P2RX5: variants seen among roughly 807,000 people sequenced by gnomAD.
The protein encoded by P2RX5 is purinergic receptor P2X 5.
In P2RX5, 46 loss-of-function variants were observed where a neutral mutation model predicts 54.1. That is an observed-to-expected ratio of 0.85 (90% CI 0.67 to 1.09). The LOEUF (loss-of-function observed/expected upper bound fraction) is 1.09. P2RX5 is among the 50% of genes least tolerant of loss of function. The pLI is 0.00. For missense variants in P2RX5, 566 were observed against 549.8 expected, an observed-to-expected ratio of 1.03 and a Z score of -0.29; for synonymous variants, 226 against 226.4, an observed-to-expected ratio of 1.00 and a Z score of 0.02.
the P2RX5 span, among the ~76,000 whole-genome samples, chr17:3,709,650 CA>C: frequency 4.6e-5 from 7 of 152,172 alleles, no homozygotes; most frequent in Non-Finnish European, 1.0e-4. Flanking sequence ...AGTGGAGGCT[CA>C]AGCCTGTAAT....
chr17:3,693,928 C>A (rs1417847800), intron 1 of P2RX5, among the ~76,000 whole-genome samples: 1 of 151,678 alleles, frequency 6.6e-6, no homozygotes, highest in Non-Finnish European at 1.5e-5. Context: ...CCACACCCAG[C>A]CAATTTTTGA....
At chr17:3,703,726 T>C in the P2RX5 span, among the ~76,000 whole-genome samples, 1 of 151,210 alleles carries the variant, frequency 6.6e-6, no homozygotes, top group Non-Finnish European at 1.5e-5. Flanking sequence ...AAATAACACC[T>C]CCCCCTTAGC....
chr17:3,703,456 A>G, the P2RX5 span, among the ~76,000 whole-genome samples: 2 of 151,978 alleles, frequency 1.3e-5, no homozygotes, highest in African/African-American at 4.8e-5. Flanking sequence ...TGAGCCCAGG[A>G]GATTGAGGCT....
intron 11 of P2RX5, among the ~76,000 whole-genome samples, chr17:3,678,753 A>T (rs2050159778): frequency 6.6e-6 from 1 of 152,230 alleles, no homozygotes; most frequent in South Asian, 2.1e-4. Flanking sequence ...GTGGTTTGCA[A>T]GAGAGTCACA....
rs140372061 is a variant in P2RX5 at position 3,679,750 on chromosome 17, C to T, written c.1099G>A (p.Glu367Lys). The change falls in exon 11 of 12, where the codon GAG becomes AAG. Residue 367 changes from glutamate to lysine, a missense_variant. By Grantham distance (56) the Glu-to-Lys change is moderately conservative (BLOSUM62 1). Transcript: ENST00000225328. ...LEDSSQEAED[E>K]ASGLGLSEQL... ...TCAGATAGCCCCAGCCCCGATGCCT[C>T]GTCCTCGGCCTCCTGGGAACTGTCT... 3.1e-6 allele frequency: 5 copies of T among 1,611,866 alleles called. No homozygotes were observed. Among genetic ancestry groups the T allele is most frequent in the East Asian group, 2.2e-5 (1 of 44,888 alleles).
chr17:3,691,496 G>T (rs2050616179), intron 2 of P2RX5, 148 bp downstream of exon 2: 1 of 919,612 alleles, frequency 1.1e-6, no homozygotes, highest in South Asian at 1.5e-5. Context: ...ATCTGGACAG[G>T]GTTGCTCTCT....
chr17:3,690,071 T>C lies in P2RX5; in HGVS notation c.613A>G (p.Lys205Glu). Residue 205 changes from lysine to glutamate, a missense_variant and splice_region_variant, in exon 6 of 12, where the codon AAA becomes GAA. Coordinates refer to ENST00000225328, the MANE Select transcript of P2RX5 (RefSeq NM_002561.4). ...CCCCCAGTAGCCAAGCCCACGTACT[T>C]GGAGAAGTTGAATTTGGGGAAACGG... Reference protein sequence around the residue: ...HIRFPKFNFSKSNVMDVKDRS... With the variant: ...HIRFPKFNFSESNVMDVKDRS... 1.2e-6 allele frequency: 2 copies of C among 1,613,846 alleles called. No homozygotes were observed. The highest frequency in any genetic ancestry group is 1.1e-5 in the South Asian group (1 of 91,086).
chr17:3,719,456 A>C, the P2RX5 span, among the ~76,000 whole-genome samples: 4 of 152,052 alleles, frequency 2.6e-5, no homozygotes, highest in Admixed American at 2.0e-4. Context: ...CAGATAGATC[A>C]CCTCTGAAGC....
At chr17:3,715,965 G>A in the P2RX5 span, among the ~76,000 whole-genome samples, 9 of 152,206 alleles carry the variant, frequency 5.9e-5, no homozygotes, top group East Asian at 1.7e-3. Context: ...GACCAGCCTG[G>A]CCAATATGGT....
At chr17:3,707,048 A>C in the P2RX5 span, among the ~76,000 whole-genome samples, 1 of 152,360 alleles carries the variant, frequency 6.6e-6, no homozygotes, top group East Asian at 1.9e-4. Flanking sequence ...ATTAATAAAG[A>C]TATACAAACA....
chr17:3,691,670 C>A lies in P2RX5; in HGVS notation c.262G>T (p.Val88Phe), dbSNP rs760105831. 1.1e-5 allele frequency: 17 copies of A among 1,614,226 alleles called. No homozygotes were observed. The highest frequency in any genetic ancestry group is 1.7e-5 in the Admixed American group (1 of 60,032). The change falls in exon 2 of 12, where the codon GTC becomes TTC. Residue 88 changes from valine (V) to phenylalanine (F), a missense_variant. Physicochemically the swap from Val to Phe is conservative, Grantham distance 50. Coordinates refer to ENST00000225328, the MANE Select transcript of P2RX5 (RefSeq NM_002561.4). Reference protein sequence around the residue: ...TSDLGQRIWDVADYVIPAQGE... With the variant: ...TSDLGQRIWDFADYVIPAQGE... ...TGGGCTGGAATGACGTAGTCGGCGA[C>A]ATCCCAGATCCGCTGCCCAAGATCC...
In P2RX5 at chr17:3,681,757, C is replaced by G. The variant is rs2050289330; in HGVS notation, c.1064+139G>C. 6 of 708,752 alleles carry G rather than the reference C, an allele frequency of 8.5e-6. No individual in the cohort carries two copies. The South Asian group carries it at 8.9e-5, about 10-fold the overall frequency. 43.9% of individuals were successfully genotyped at this position (708,752 alleles called of 1,614,324 possible). On this transcript the variant is annotated intron_variant, in intron 10 of 11. Transcript: ENST00000225328. ...AATCCGGTTCTGTAGAGCATGTACT[C>G]AGAACACTTCTCCTCCCCGGGCCCT...
upstream of P2RX5, among the ~76,000 whole-genome samples, chr17:3,701,030 A>G (rs2050812655): frequency 6.6e-6 from 1 of 151,946 alleles, no homozygotes; most frequent in Non-Finnish European, 1.5e-5. Context: ...AGTCCACATC[A>G]CGCTTCCCTG....
chr17:3,700,471 T>C, upstream of P2RX5, among the ~76,000 whole-genome samples: 1 of 151,404 alleles, frequency 6.6e-6, no homozygotes, highest in Non-Finnish European at 1.5e-5. Context: ...AGGCGGAGCT[T>C]GCAGTAAGCC....
At chr17:3,680,282 C>A (rs2050220915) in intron 10 of P2RX5, among the ~76,000 whole-genome samples, 1 of 142,546 alleles carries the variant, frequency 7.0e-6, no homozygotes, top group Non-Finnish European at 1.5e-5. Context: ...TGTCCTCCAC[C>A]CTGCATCCTC....
the P2RX5 span, chr17:3,723,266 G>C: frequency 6.7e-7 from 1 of 1,498,828 alleles, no homozygotes; most frequent in Non-Finnish European, 9.3e-7. Context: ...AATCAAATCT[G>C]GAGCATTTCA....
intron 11 of P2RX5, among the ~76,000 whole-genome samples, chr17:3,678,887 C>T (rs1473578787): frequency 6.6e-6 from 1 of 152,224 alleles, no homozygotes; most frequent in Non-Finnish European, 1.5e-5. Flanking sequence ...AGACGCAGAG[C>T]AGGCCCGAGA....
chr17:3,675,463 C>G (rs1268933268), intron 11 of P2RX5: 1 of 985,296 alleles, frequency 1.0e-6, no homozygotes, highest in Non-Finnish European at 1.2e-6. Context: ...TTTTTGCTTC[C>G]TCCCAAACCT....
the P2RX5 span, chr17:3,723,787 C>T: frequency 6.3e-7 from 1 of 1,599,844 alleles, no homozygotes; most frequent in East Asian, 2.2e-5. Flanking sequence ...ACAAACCAAG[C>T]CGCCAGTTTT....
Sources: gnomAD v4.1 joint callset for allele counts (sites outside exome capture counted in the v4.1 genomes callset) on GRCh38, gnomAD v4.1.1 for gene constraint, MANE v1.5 for transcripts, NCBI Gene and HGNC (gene_info 2026-07-23, HGNC 2026-07-21) for gene names.